The following CTCF variants were observed in gnomAD, a reference collection of about 807,000 sequenced individuals.
CTCF encodes CCCTC-binding factor.
In CTCF, 7 loss-of-function variants were observed where a neutral mutation model predicts 72.3. The observed-to-expected ratio is 0.10, with a 90% confidence interval of 0.06 to 0.18. CTCF has a LOEUF of 0.18. CTCF is among the 10% of genes least tolerant of loss of function. The pLI, the probability that CTCF is intolerant of heterozygous loss-of-function variation, is 1.00. For missense variants in CTCF, 516 were observed against 949.1 expected, an observed-to-expected ratio of 0.54 and a Z score of 6.00; for synonymous variants, 374 against 315.8, an observed-to-expected ratio of 1.18 and a Z score of -1.95.
chr16:67,604,475 T>G (rs537728078), intron 2 of CTCF, among the ~76,000 whole-genome samples: 4 of 152,252 alleles, frequency 2.6e-5, no homozygotes, highest in African/African-American at 9.6e-5. Context: ...CCCAAGTAGC[T>G]GGGACTATAG....
intron 2 of CTCF, among the ~76,000 whole-genome samples, chr16:67,574,752 A>G (rs2051472618): frequency 7.3e-6 from 1 of 136,286 alleles, no homozygotes. Context: ...TCCGCATCCC[A>G]GGTTCACACC....
chr16:67,584,070 G>T (rs1002221271), intron 2 of CTCF, among the ~76,000 whole-genome samples: 1 of 118,202 alleles, frequency 8.5e-6, no homozygotes, highest in South Asian at 2.5e-4. Flanking sequence ...GTGTGCAGTC[G>T]TTTAAAAATG....
At chr16:67,626,934 C>T (rs2052295644) in intron 8 of CTCF, 1 of 367,342 alleles carries the variant, frequency 2.7e-6, no homozygotes, top group Admixed American at 4.6e-5. Context: ...CTTCCTTAAG[C>T]AGACATCTTT....
At chr16:67,569,749 G>A (rs1048332836) in intron 1 of CTCF, among the ~76,000 whole-genome samples, 1 of 151,064 alleles carries the variant, frequency 6.6e-6, no homozygotes, top group African/African-American at 2.4e-5. Context: ...GCAGTGGCGC[G>A]ATCTCGGCTC....
chr16:67,623,847 A>G lies in CTCF; in HGVS notation c.1357+2256A>G, dbSNP rs536188449. ...GGCGGATCACAAGGTCAGGAGATGA[A>G]GACCATCCTGGCTAACACAGTGAAA... On this transcript the variant is annotated intron_variant, in intron 7 of 11. Transcript: ENST00000264010. Among the ~76,000 whole-genome samples the G allele has an allele frequency of 7.2e-5, 11 of 152,182 alleles. No homozygotes were observed. In the South Asian group the frequency reaches 2.3e-3, roughly 32 times the overall value.
rs370505153 is a variant in CTCF, at chr16:67,589,820, C to G, written c.-10+18556C>G. Among the ~76,000 whole-genome samples, 10 of 152,186 alleles carry G rather than the reference C, an allele frequency of 6.6e-5. No individual in the cohort carries two copies. The East Asian group carries it at 9.6e-4, about 15-fold the overall frequency. On this transcript the variant is annotated intron_variant, in intron 2 of 11. Coordinates refer to ENST00000264010, the MANE Select transcript of CTCF (RefSeq NM_006565.4). The stretch of plus-strand genomic sequence containing the variant: ...TTGAAAAAGAGCCTGGACGCGGTGG[C>G]TCACACCTGTAATACCGGCATTTGG...
intron 7 of CTCF, 103 bp from the exon 8 acceptor site, chr16:67,626,452 C>CAAA (rs373304235): frequency 1.1e-3 from 422 of 376,314 alleles, no homozygotes; most frequent in African/African-American, 2.7e-3. Flanking sequence ...GACTCCGTCT[C>CAAA]AAAAAAAAAA....
intron 10 of CTCF, 132 bp from the exon 11 acceptor site, chr16:67,636,558 A>T: frequency 3.5e-6 from 1 of 287,094 alleles, no homozygotes; most frequent in Non-Finnish European, 5.4e-6. Flanking sequence ...AAAAAAAAAA[A>T]GAAAGAAAGT....
chr16:67,575,887 G>T (rs1405736398), intron 2 of CTCF, among the ~76,000 whole-genome samples: 1 of 151,772 alleles, frequency 6.6e-6, no homozygotes, highest in Non-Finnish European at 1.5e-5. Context: ...TAGAGAAGTG[G>T]GTAAGAAAAC....
At chr16:67,589,664 T>C (rs896652874) in intron 2 of CTCF, among the ~76,000 whole-genome samples, 1 of 152,184 alleles carries the variant, frequency 6.6e-6, no homozygotes, top group Non-Finnish European at 1.5e-5. Flanking sequence ...ACAAAGCTTA[T>C]CTGGGAGTCA....
chr16:67,589,932 C>T (rs556476698), intron 2 of CTCF, among the ~76,000 whole-genome samples: 2 of 151,990 alleles, frequency 1.3e-5, no homozygotes, highest in Non-Finnish European at 2.9e-5. Context: ...ACTAAAAATA[C>T]AAAAATTAGC....
At chr16:67,614,112 C>T (rs933161594) in intron 4 of CTCF, among the ~76,000 whole-genome samples, 1 of 151,722 alleles carries the variant, frequency 6.6e-6, no homozygotes, top group Non-Finnish European at 1.5e-5. Context: ...TTTGGGAGGC[C>T]GAGGTGGGTG....
At chr16:67,618,476 A>G (rs1244730652) in intron 5 of CTCF, among the ~76,000 whole-genome samples, 2 of 152,354 alleles carry the variant, frequency 1.3e-5, no homozygotes, top group Non-Finnish European at 2.9e-5. Context: ...CATTGAAAGT[A>G]TTTCCATTAA....
intron 2 of CTCF, among the ~76,000 whole-genome samples, chr16:67,591,591 G>GT (rs1597696127): frequency 6.6e-6 from 1 of 152,054 alleles, no homozygotes; most frequent in African/African-American, 2.4e-5. Context: ...TGGTTATTTT[G>GT]TTTAACTTTT....
intron 2 of CTCF, among the ~76,000 whole-genome samples, chr16:67,595,682 A>C (rs1230848231): frequency 6.6e-6 from 1 of 152,128 alleles, no homozygotes; most frequent in Non-Finnish European, 1.5e-5. Context: ...AACTGCAGCG[A>C]GAAGGTAGCA....
intron 2 of CTCF, among the ~76,000 whole-genome samples, chr16:67,574,248 C>T (rs1387747497): frequency 6.6e-6 from 1 of 152,172 alleles, no homozygotes; most frequent in Non-Finnish European, 1.5e-5. Context: ...GTTGAGTTTC[C>T]CACGACCTCT....
intron 2 of CTCF, among the ~76,000 whole-genome samples, chr16:67,575,516 C>A (rs573279865): frequency 6.6e-6 from 1 of 152,068 alleles, no homozygotes; most frequent in East Asian, 1.9e-4. Context: ...GCAATCTCGG[C>A]TCACTGCAGC....
chr16:67,565,377 A>G (rs1369174094), intron 1 of CTCF, among the ~76,000 whole-genome samples: 1 of 150,970 alleles, frequency 6.6e-6, no homozygotes, highest in Non-Finnish European at 1.5e-5. Context: ...AATACTGCCT[A>G]TTTAAGAGTA....
intron 2 of CTCF, among the ~76,000 whole-genome samples, chr16:67,587,299 C>A (rs1022478280): frequency 1.3e-5 from 2 of 152,044 alleles, no homozygotes; most frequent in East Asian, 1.9e-4. Flanking sequence ...CATTATATTG[C>A]TATTTATTAT....
Sources: allele counts gnomAD v4.1 joint callset (sites outside exome capture counted in the v4.1 genomes callset), GRCh38; gene constraint gnomAD v4.1.1; transcripts MANE v1.5; gene names NCBI Gene and HGNC (gene_info 2026-07-23, HGNC 2026-07-21).